Variants in ZNF804B observed in about 807,000 individuals in gnomAD.
ZNF804B encodes zinc finger protein 804B, also known as zinc finger 804B.
A neutral mutation model predicts 101.4 loss-of-function variants in ZNF804B; 80 were observed. The observed-to-expected ratio is 0.79, with a 90% CI of 0.66 to 0.95. The LOEUF is 0.95. ZNF804B is among the 40% of genes least tolerant of loss of function. The pLI is 0.00. For missense variants in ZNF804B, 1,673 were observed against 1,561.9 expected, an observed-to-expected ratio of 1.07 and a Z score of -1.20; for synonymous variants, 622 against 558.8, an observed-to-expected ratio of 1.11 and a Z score of -1.59.
chr7:88,972,180 A>T (rs1282214080), intron 1 of ZNF804B, among the ~76,000 whole-genome samples: 1 of 151,408 alleles, frequency 6.6e-6, no homozygotes. Flanking sequence ...TGAATTGTGT[A>T]TTTTTTCTCC....
chr7:89,058,543 TTTTAAG>T (rs2116277673), intron 1 of ZNF804B, among the ~76,000 whole-genome samples: 1 of 152,270 alleles, frequency 6.6e-6, no homozygotes, highest in South Asian at 2.1e-4. Flanking sequence ...AACAAGCATT[TTTTAAG>T]GTTTTAACTT....
intron 1 of ZNF804B, among the ~76,000 whole-genome samples, chr7:89,168,067 A>G (rs144497897): frequency 1.6e-4 from 24 of 152,250 alleles, no homozygotes; most frequent in African/African-American, 5.3e-4. Flanking sequence ...GATTAGGGAC[A>G]CTAACTGTCT....
intron 1 of ZNF804B, among the ~76,000 whole-genome samples, chr7:89,211,794 T>G (rs1788808818): frequency 6.6e-6 from 1 of 152,200 alleles, no homozygotes; most frequent in African/African-American, 2.4e-5. Context: ...TCCAGCTTTG[T>G]TCTTTTAGCT....
chr7:89,070,190 G>T (rs1789514971), intron 1 of ZNF804B, among the ~76,000 whole-genome samples: 1 of 152,180 alleles, frequency 6.6e-6, no homozygotes, highest in African/African-American at 2.4e-5. Flanking sequence ...ACTTGCAGGA[G>T]TAGATGGCAG....
chr7:89,315,188 CA>C (rs1174133369), intron 2 of ZNF804B, among the ~76,000 whole-genome samples: 12 of 152,044 alleles, frequency 7.9e-5, no homozygotes, highest in African/African-American at 2.7e-4. Context: ...CACTTTTATA[CA>C]ATCATGTCTC....
At chr7:89,004,290 T>C (rs1584066003) in intron 1 of ZNF804B, among the ~76,000 whole-genome samples, 2 of 151,926 alleles carry the variant, frequency 1.3e-5, no homozygotes, top group East Asian at 3.9e-4. Flanking sequence ...TTGTTTCCCA[T>C]CTGACTTTGG....
At chr7:88,909,325 G>A (rs891349648) in intron 1 of ZNF804B, among the ~76,000 whole-genome samples, 10 of 151,780 alleles carry the variant, frequency 6.6e-5, no homozygotes, top group Non-Finnish European at 1.3e-4. Flanking sequence ...ACACTTGTAG[G>A]TGCCTATATT....
At chr7:89,151,698 C>T (rs1367838344) in intron 1 of ZNF804B, among the ~76,000 whole-genome samples, 1 of 124,906 alleles carries the variant, frequency 8.0e-6, no homozygotes, top group Non-Finnish European at 1.8e-5. Context: ...TTCAGATCTC[C>T]TGAAAAAAAA....
intron 1 of ZNF804B, among the ~76,000 whole-genome samples, chr7:89,143,863 T>G (rs1469681352): frequency 2.0e-5 from 3 of 152,028 alleles, no homozygotes; most frequent in South Asian, 2.1e-4. Flanking sequence ...ATGAACTTTT[T>G]GAAAACCCCT....
intron 1 of ZNF804B, among the ~76,000 whole-genome samples, chr7:88,911,641 T>A (rs1042856115): frequency 2.7e-4 from 41 of 151,556 alleles, no homozygotes; most frequent in African/African-American, 9.9e-4. Flanking sequence ...TTTAGTTTTG[T>A]TGTTATTTTT....
chr7:89,039,755 T>C (rs1788987418), intron 1 of ZNF804B, among the ~76,000 whole-genome samples: 1 of 152,008 alleles, frequency 6.6e-6, no homozygotes, highest in Admixed American at 6.5e-5. Context: ...GGGTATAGTT[T>C]TTTTGGTTGC....
rs780122394 is a variant in ZNF804B, at chr7:89,336,578, C to G, written c.3596C>G (p.Pro1199Arg). 6.2e-7 allele frequency: 1 copy of G among 1,614,116 alleles called. No individual in the cohort carries two copies. The highest frequency in any genetic ancestry group is 1.3e-5 in the African/African-American group (1 of 75,034). The change falls in exon 4 of 4, where the codon CCA (proline) becomes CGA (arginine). Residue 1199 changes from proline (P) to arginine (R), a missense_variant. By Grantham distance (103) the Pro-to-Arg change is moderately radical. Transcript: ENST00000333190. ...CCGGCCTCAACCGTACAGACAGTTC[C>G]AGTTCACCAGCACACTTCTATCACC... is the stretch of plus-strand genomic sequence containing the variant. ...FSPASTVQTV[P>R]VHQHTSITTI...
chr7:88,801,523 T>G (rs954800874), intron 1 of ZNF804B, among the ~76,000 whole-genome samples: 1 of 152,114 alleles, frequency 6.6e-6, no homozygotes, highest in African/African-American at 2.4e-5. Context: ...TGGCAAGTGA[T>G]CCCTCTTATC....
intron 1 of ZNF804B, among the ~76,000 whole-genome samples, chr7:88,768,626 G>C (rs1790019136): frequency 6.6e-6 from 1 of 152,226 alleles, no homozygotes; most frequent in African/African-American, 2.4e-5. Context: ...GCTGAGGCCG[G>C]AGAATCGCTT....
chr7:88,847,899 T>C (rs1791398835), intron 1 of ZNF804B, among the ~76,000 whole-genome samples: 1 of 152,128 alleles, frequency 6.6e-6, no homozygotes, highest in Admixed American at 6.6e-5. Flanking sequence ...TAAGCTTTCA[T>C]ATATAGGAAT....
At chr7:88,896,294 A>C (rs1016829393) in intron 1 of ZNF804B, among the ~76,000 whole-genome samples, 1 of 152,240 alleles carries the variant, frequency 6.6e-6, no homozygotes, top group Non-Finnish European at 1.5e-5. Flanking sequence ...ATAAGATGCC[A>C]GTAATATGGA....
intron 1 of ZNF804B, among the ~76,000 whole-genome samples, chr7:89,142,255 G>A (rs921671499): frequency 1.3e-5 from 2 of 151,514 alleles, no homozygotes; most frequent in African/African-American, 4.8e-5. Flanking sequence ...TTTCTTCAGG[G>A]TTTCTTTTTT....
intron 2 of ZNF804B, among the ~76,000 whole-genome samples, chr7:89,236,124 T>A (rs1789275161): frequency 6.6e-6 from 1 of 152,130 alleles, no homozygotes; most frequent in Non-Finnish European, 1.5e-5. Context: ...TTGGCCTCCA[T>A]ATTTGATTAA....
chr7:88,884,467 A>G (rs1225943105), intron 1 of ZNF804B, among the ~76,000 whole-genome samples: 2 of 151,554 alleles, frequency 1.3e-5, no homozygotes, highest in African/African-American at 2.4e-5. Context: ...TCTTCTATCT[A>G]TCTAATTTTG....
Sources: gnomAD v4.1 joint callset for allele counts (sites outside exome capture counted in the v4.1 genomes callset) on GRCh38, gnomAD v4.1.1 for gene constraint, MANE v1.5 for transcripts, NCBI Gene and HGNC (gene_info 2026-07-23, HGNC 2026-07-21) for gene names.